Variants in KCNA6 observed in about 807,000 individuals in gnomAD.
The protein encoded by KCNA6 is potassium voltage-gated channel subfamily A member 6.
KCNA6 carries 17 observed loss-of-function variants against 29.5 expected under a neutral mutation model. The observed-to-expected ratio is 0.58, with a 90% confidence interval of 0.39 to 0.86. The LOEUF (loss-of-function observed/expected upper bound fraction) is 0.86. KCNA6 is among the 40% of genes least tolerant of loss of function. KCNA6 has a pLI of 0.00. For synonymous variants in KCNA6, 296 were observed against 304.7 expected (o/e 0.97, Z 0.30); for missense variants, 450 against 703.4 (o/e 0.64, Z 4.07).
the KCNA6 span, among the ~76,000 whole-genome samples, chr12:4,832,146 T>C: frequency 6.6e-6 from 1 of 152,254 alleles, no homozygotes; most frequent in East Asian, 1.9e-4. Flanking sequence ...TTTCTTTTGC[T>C]TTTCTTCAGA....
chr12:4,824,252 G>T, the KCNA6 span, among the ~76,000 whole-genome samples: 1 of 152,224 alleles, frequency 6.6e-6, no homozygotes, highest in African/African-American at 2.4e-5. Flanking sequence ...GAGTAGTGAG[G>T]CATAAGCAAG....
At chr12:4,838,057 G>A in the KCNA6 span, among the ~76,000 whole-genome samples, 1 of 152,166 alleles carries the variant, frequency 6.6e-6, no homozygotes, top group African/African-American at 2.4e-5. Context: ...GGGGAGGGAT[G>A]GGGTGGTTAT....
At position 4,811,759 on chromosome 12, in the gene KCNA6, C is replaced by T. The variant is rs1276635098; in HGVS notation, c.*128C>T. The stretch of plus-strand genomic sequence containing the variant: ...TCTCTCCCCTACACCCACTACCTGG[C>T]ATCCAGGACCAAATACCTGGACTAT... On this transcript the variant is annotated 3_prime_UTR_variant, in exon 1 of 1. Transcript: ENST00000280684. The surrounding 1 kb of genome is among the most constrained non-coding windows in gnomAD (Gnocchi z 7.1). 9.5e-7 allele frequency: 1 copy of T among 1,047,630 alleles called. No homozygotes were observed. The highest frequency in any genetic ancestry group is 2.4e-5 in the Admixed American group (1 of 40,856). The allele number at this position is 1,047,630 out of a possible 1,614,324, so 64.9% of individuals were successfully genotyped here.
At position 4,811,890 on chromosome 12, in the gene KCNA6, A is replaced by T. The variant is rs779843405; in HGVS notation, c.*259A>T. 3 of 507,166 alleles carry T rather than the reference A, an allele frequency of 5.9e-6. No homozygotes were observed. Among genetic ancestry groups the T allele is most frequent in the African/African-American group, 3.8e-5 (2 of 52,064 alleles). 31.4% of individuals were successfully genotyped at this position (507,166 alleles called of 1,614,324 possible). A position where few individuals can be genotyped will look rare whatever the true frequency, so the allele number is the denominator to read the frequency against. On this transcript the variant is annotated 3_prime_UTR_variant, in exon 1 of 1. Coordinates refer to ENST00000280684, the Ensembl canonical transcript of KCNA6. The surrounding 1 kb of genome is among the most constrained non-coding windows in gnomAD (Gnocchi z 7.1). ...ATCATGCCCAGCTTCTGTCATATGA[A>T]TGAGATATACATTTATGTCTGACCT...
At chr12:4,816,600 T>C (rs1053684079), downstream of KCNA6, among the ~76,000 whole-genome samples, 4 of 152,152 alleles carry the variant, frequency 2.6e-5, no homozygotes, top group Non-Finnish European at 5.9e-5. Flanking sequence ...AGAGATTGCA[T>C]AGGGCCCAAG....
At chr12:4,839,057 A>G in the KCNA6 span, 1 of 152,254 alleles carries the variant, frequency 6.6e-6, no homozygotes, top group Admixed American at 6.5e-5. Flanking sequence ...GAGTTCAGGC[A>G]TAATATGCAC....
chr12:4,831,247 A>C, the KCNA6 span, among the ~76,000 whole-genome samples: 2 of 152,194 alleles, frequency 1.3e-5, no homozygotes, highest in Admixed American at 6.5e-5. Context: ...TTGAAGTTGC[A>C]TGTGGCCCGG....
chr12:4,829,685 T>A, the KCNA6 span, among the ~76,000 whole-genome samples: 4 of 151,980 alleles, frequency 2.6e-5, no homozygotes, highest in East Asian at 7.7e-4. Context: ...TCTAGGGTGG[T>A]TTCCAAGTTC....
At chr12:4,842,778 G>A in the KCNA6 span, 1 of 152,212 alleles carries the variant, frequency 6.6e-6, no homozygotes, top group African/African-American at 2.4e-5. Flanking sequence ...TTCAACATGA[G>A]ATTTGAGTGG....
the KCNA6 span, among the ~76,000 whole-genome samples, chr12:4,831,012 G>C: frequency 6.6e-6 from 1 of 152,226 alleles, no homozygotes; most frequent in African/African-American, 2.4e-5. Flanking sequence ...GGGGGAGTCA[G>C]CAGGGTCCTC....
chr12:4,831,901 C>A, the KCNA6 span, among the ~76,000 whole-genome samples: 1 of 152,170 alleles, frequency 6.6e-6, no homozygotes, highest in Non-Finnish European at 1.5e-5. Flanking sequence ...TTCTCATACA[C>A]CTTGTGTTCC....
At chr12:4,835,913 G>T in the KCNA6 span, among the ~76,000 whole-genome samples, 1 of 150,992 alleles carries the variant, frequency 6.6e-6, no homozygotes. Flanking sequence ...CCCTAAGGTA[G>T]CTATGGAATA....
At chr12:4,832,161 G>A in the KCNA6 span, among the ~76,000 whole-genome samples, 3 of 152,038 alleles carry the variant, frequency 2.0e-5, no homozygotes, top group African/African-American at 4.8e-5. Flanking sequence ...TTCAGACCCC[G>A]AGAGCCTGGG....
chr12:4,850,957 G>A, the KCNA6 span: 60 of 370,628 alleles, frequency 1.6e-4, no homozygotes, highest in African/African-American at 1.2e-3. The surrounding 1 kb of genome is among the most constrained non-coding windows in gnomAD (Gnocchi z 5.4). Context: ...ATGTTGGGGT[G>A]AAGCTGTAGG....
the KCNA6 span, among the ~76,000 whole-genome samples, chr12:4,818,786 T>C: frequency 2.0e-5 from 3 of 152,016 alleles, no homozygotes; most frequent in African/African-American, 7.3e-5. Flanking sequence ...TTGTCTCTGA[T>C]GGAGCAGCAG....
Position 4,810,260 on chromosome 12 carries a change from A to T in KCNA6, c.219A>T (p.Arg73=), listed in dbSNP as rs530870351. ...CGCTGCTCGGAGACCCTGGCCGGCGAGTCCGCTTCTTCGACCCCCTGAGGA... is the reference window on the plus strand; with the variant it reads ...CGCTGCTCGGAGACCCTGGCCGGCGTGTCCGCTTCTTCGACCCCCTGAGGA... Residue 73 remains arginine, a synonymous_variant, in exon 1 of 1, where the codon CGA becomes CGT. Coordinates refer to ENST00000280684, the Ensembl canonical transcript of KCNA6. This position sits in a 1 kb window ranked among gnomAD's most constrained non-coding sequence, Gnocchi z 7.5. 4 of 1,614,006 alleles carry T rather than the reference A, an allele frequency of 2.5e-6. No individual in the cohort carries two copies. The Admixed American group carries it at 6.7e-5, about 27-fold the overall frequency.
In KCNA6 at chr12:4,810,404, C is replaced by T; in HGVS notation, c.363C>T (p.Ile121=). 1 of 1,614,136 alleles carries T rather than the reference C, an allele frequency of 6.2e-7. No individual in the cohort carries two copies. The highest frequency in any genetic ancestry group is 8.5e-7 in the Non-Finnish European group (1 of 1,180,018). ...CCCTGGACATTTTCCTGGAGGAGAT[C>T]CGCTTCTACCAGCTGGGGGACGAGG... The change falls in exon 1 of 1, where the codon ATC becomes ATT. Residue 121 remains isoleucine, a synonymous_variant. Coordinates refer to ENST00000280684, the Ensembl canonical transcript of KCNA6. This position sits in a 1 kb window ranked among gnomAD's most constrained non-coding sequence, Gnocchi z 7.5.
exon 1 of KCNA6, chr12:4,812,458 C>T (rs1165690136): frequency 1.2e-5 from 2 of 167,132 alleles, no homozygotes; most frequent in African/African-American, 4.8e-5. Flanking sequence ...AAGGGAACCA[C>T]AGAGCCAGGA....
At chr12:4,840,451 C>A in the KCNA6 span, among the ~76,000 whole-genome samples, 1 of 152,142 alleles carries the variant, frequency 6.6e-6, no homozygotes, top group Non-Finnish European at 1.5e-5. Context: ...CTCACACCAG[C>A]CAGAATGGCT....
Sources: gnomAD v4.1 joint callset for allele counts (sites outside exome capture counted in the v4.1 genomes callset) on GRCh38, gnomAD v4.1.1 for gene constraint, Gnocchi (gnomAD v3.1) non-coding constraint, MANE v1.5 for transcripts, NCBI Gene and HGNC (gene_info 2026-07-23, HGNC 2026-07-21) for gene names.